Variants in NKAIN2 observed in about 807,000 individuals in gnomAD.
NKAIN2 encodes the protein sodium/potassium transporting ATPase interacting 2.
In NKAIN2, 14 loss-of-function variants were observed where a neutral mutation model predicts 32.6. That is an observed-to-expected ratio of 0.43 (90% CI 0.28 to 0.67). NKAIN2 has a LOEUF of 0.67. Among genes scored for constraint, NKAIN2 ranks in the 30% least tolerant of loss-of-function variants. NKAIN2 has a pLI of 0.17. For missense variants in NKAIN2, 198 were observed against 258.3 expected, an observed-to-expected ratio of 0.77 and a Z score of 1.60; for synonymous variants, 80 against 87.2, an observed-to-expected ratio of 0.92 and a Z score of 0.46.
At chr6:124,502,389 T>C (rs1386476816) in intron 3 of NKAIN2, among the ~76,000 whole-genome samples, 4 of 152,204 alleles carry the variant, frequency 2.6e-5, no homozygotes, top group African/African-American at 9.6e-5. Flanking sequence ...CAGTGAAAAG[T>C]CTTCCTGCCA....
chr6:123,983,641 AC>A (rs774274366), intron 1 of NKAIN2, among the ~76,000 whole-genome samples: 3 of 151,286 alleles, frequency 2.0e-5, no homozygotes, highest in East Asian at 1.9e-4. Context: ...TTTCCACACT[AC>A]CCCCCCACCT....
intron 4 of NKAIN2, among the ~76,000 whole-genome samples, chr6:124,748,194 C>T (rs1214009167): frequency 6.6e-6 from 1 of 151,962 alleles, no homozygotes; most frequent in Non-Finnish European, 1.5e-5. Context: ...AGCACCATAT[C>T]AACAATTACC....
intron 3 of NKAIN2, among the ~76,000 whole-genome samples, chr6:124,482,205 T>C (rs659343): frequency 0.14 from 21,209 of 152,146 alleles, 1,834 homozygotes; most frequent in East Asian, 0.25. Flanking sequence ...CTATAGAGAC[T>C]CCTGAGAAGA....
chr6:124,144,168 G>A (rs1422199707), intron 1 of NKAIN2, among the ~76,000 whole-genome samples: 2 of 152,102 alleles, frequency 1.3e-5, no homozygotes, highest in Non-Finnish European at 1.5e-5. Flanking sequence ...ATGAAGTTTG[G>A]TAAGCTCTTC....
At chr6:124,015,612 G>A (rs770273022) in intron 1 of NKAIN2, among the ~76,000 whole-genome samples, 10 of 152,216 alleles carry the variant, frequency 6.6e-5, no homozygotes, top group Middle Eastern at 3.4e-3. Context: ...CTTCAAAGCC[G>A]TTCTGTATGT....
chr6:124,470,921 C>G (rs924426376), intron 3 of NKAIN2, among the ~76,000 whole-genome samples: 30 of 152,068 alleles, frequency 2.0e-4, no homozygotes, highest in Non-Finnish European at 3.8e-4. Flanking sequence ...GGCTGGTGAA[C>G]TACAGCTTAA....
chr6:124,195,324 A>ACATAGCAAG (rs58848987), intron 1 of NKAIN2, among the ~76,000 whole-genome samples: 105,169 of 151,312 alleles, frequency 0.7, 36,810 homozygotes, highest in South Asian at 0.75. Flanking sequence ...TCAGGTTTAA[A>ACATAGCAAG]ATTATTTTCT....
intron 2 of NKAIN2, among the ~76,000 whole-genome samples, chr6:124,339,889 A>G (rs920342373): frequency 2.0e-5 from 3 of 152,206 alleles, no homozygotes; most frequent in Admixed American, 6.5e-5. Context: ...CAGACGTATT[A>G]TATGAAAATC....
At chr6:124,602,565 G>A (rs1782349651) in intron 3 of NKAIN2, among the ~76,000 whole-genome samples, 3 of 151,694 alleles carry the variant, frequency 2.0e-5, no homozygotes, top group Non-Finnish European at 2.9e-5. Flanking sequence ...AAAAAGAGAT[G>A]GAAAGACAAA....
intron 4 of NKAIN2, among the ~76,000 whole-genome samples, chr6:124,731,636 C>G (rs1260696068): frequency 6.7e-6 from 1 of 150,368 alleles, no homozygotes; most frequent in African/African-American, 2.5e-5. Context: ...GTGCAGTGCA[C>G]CAGCATGGCA....
chr6:124,789,719 G>A (rs984331588), intron 4 of NKAIN2, among the ~76,000 whole-genome samples: 1 of 151,848 alleles, frequency 6.6e-6, no homozygotes, highest in African/African-American at 2.4e-5. Flanking sequence ...CTAAAAATAA[G>A]TCCCAAAAAA....
chr6:124,062,239 G>C (rs532420570), intron 1 of NKAIN2, among the ~76,000 whole-genome samples: 1 of 152,038 alleles, frequency 6.6e-6, no homozygotes, highest in Admixed American at 6.6e-5. Flanking sequence ...TAATGTTTTA[G>C]CATACCTTCT....
intron 3 of NKAIN2, among the ~76,000 whole-genome samples, chr6:124,512,482 A>C (rs1778751023): frequency 6.6e-6 from 1 of 152,234 alleles, no homozygotes; most frequent in Non-Finnish European, 1.5e-5. Flanking sequence ...TGTATTTTAA[A>C]GAGTAGAACA....
At chr6:124,672,319 A>G in intron 4 of NKAIN2, among the ~76,000 whole-genome samples, 1 of 152,054 alleles carries the variant, frequency 6.6e-6, no homozygotes, top group East Asian at 1.9e-4. Flanking sequence ...AAAGTTGTCT[A>G]CAGGAGTGTC....
At chr6:124,403,075 C>T (rs332606) in intron 3 of NKAIN2, among the ~76,000 whole-genome samples, 5,180 of 151,540 alleles carry the variant, frequency 0.034, 112 homozygotes, top group Non-Finnish European at 0.052. Flanking sequence ...ATCAGAATTA[C>T]GTTGATTCAT....
intron 5 of NKAIN2, among the ~76,000 whole-genome samples, chr6:124,807,065 C>T (rs1467050237): frequency 2.0e-5 from 3 of 151,906 alleles, no homozygotes; most frequent in Admixed American, 6.5e-5. Context: ...CCACTGTCAA[C>T]ATTAGACAGA....
At chr6:124,153,103 C>T (rs886941286) in intron 1 of NKAIN2, among the ~76,000 whole-genome samples, 26 of 151,744 alleles carry the variant, frequency 1.7e-4, no homozygotes, top group African/African-American at 5.1e-4. Flanking sequence ...AGGAAAATGA[C>T]AGTTAACAAT....
chr6:124,431,786 G>T (rs886281287), intron 3 of NKAIN2, among the ~76,000 whole-genome samples: 1 of 151,998 alleles, frequency 6.6e-6, no homozygotes, highest in African/African-American at 2.4e-5. Flanking sequence ...ATATATAATT[G>T]TGTTCATATA....
intron 3 of NKAIN2, among the ~76,000 whole-genome samples, chr6:124,573,819 G>A (rs151008896): frequency 1.3e-5 from 2 of 152,230 alleles, no homozygotes; most frequent in East Asian, 1.9e-4. Flanking sequence ...TAGGTAAAAT[G>A]CTTCACTCAA....
Sources: allele counts gnomAD v4.1 joint callset (sites outside exome capture counted in the v4.1 genomes callset), GRCh38; gene constraint gnomAD v4.1.1; transcripts MANE v1.5; gene names NCBI Gene and HGNC (gene_info 2026-07-23, HGNC 2026-07-21).